PTPRD: variants seen among roughly 807,000 people sequenced by gnomAD.
The protein encoded by PTPRD is protein tyrosine phosphatase receptor type D.
In PTPRD, 34 loss-of-function variants were observed where a neutral mutation model predicts 214.5. The ratio of observed to expected loss-of-function variants is 0.16; its 90% CI spans 0.12 to 0.21. PTPRD has a LOEUF of 0.21. PTPRD is among the 10% of genes least tolerant of loss of function. The probability of loss-of-function intolerance (pLI) is 1.00; values close to 1 mark genes in which losing one functional copy is unlikely to be tolerated. For missense variants in PTPRD, 2,545 were observed against 2,398.7 expected (o/e 1.06, Z -1.27); for synonymous variants, 1,128 against 845.7 (o/e 1.33, Z -5.79).
At chr9:9,998,969 G>A (rs182134769) in intron 4 of PTPRD, among the ~76,000 whole-genome samples, 107 of 152,282 alleles carry the variant, frequency 7.0e-4, no homozygotes, top group African/African-American at 2.5e-3. Flanking sequence ...AGAAATAGCA[G>A]GGATGCATTG....
chr9:10,485,926 A>G (rs564403242), intron 2 of PTPRD, among the ~76,000 whole-genome samples: 129 of 152,148 alleles, frequency 8.5e-4, no homozygotes, highest in Non-Finnish European at 1.2e-3. Context: ...CAGTTGCAGT[A>G]TCTCCTTAAT....
chr9:9,674,265 A>G (rs956905826), intron 7 of PTPRD, among the ~76,000 whole-genome samples: 1 of 151,828 alleles, frequency 6.6e-6, no homozygotes. Flanking sequence ...AGGATGGCTT[A>G]TAATATTAAC....
intron 8 of PTPRD, among the ~76,000 whole-genome samples, chr9:9,428,889 G>A (rs1413413080): frequency 6.6e-6 from 1 of 152,166 alleles, no homozygotes; most frequent in Non-Finnish European, 1.5e-5. Context: ...GTATCTCTGG[G>A]ACACATTTAA....
intron 12 of PTPRD, among the ~76,000 whole-genome samples, chr9:8,712,356 G>C (rs1421423786): frequency 6.6e-6 from 1 of 151,898 alleles, no homozygotes; most frequent in East Asian, 1.9e-4. Flanking sequence ...TATCAATTGT[G>C]TGTCTTTAAT....
intron 3 of PTPRD, among the ~76,000 whole-genome samples, chr9:10,079,609 T>C (rs1055593482): frequency 6.6e-6 from 1 of 152,092 alleles, no homozygotes; most frequent in African/African-American, 2.4e-5. Context: ...TTCTATGATA[T>C]TGAATTAAAT....
At chr9:8,858,368 A>C (rs934687231) in intron 11 of PTPRD, 1 of 152,488 alleles carries the variant, frequency 6.6e-6, no homozygotes, top group South Asian at 2.1e-4. Context: ...GTGCGAGGCG[A>C]CGCCTGGGAA....
At chr9:9,998,026 A>G (rs569577380) in intron 4 of PTPRD, among the ~76,000 whole-genome samples, 31 of 151,212 alleles carry the variant, frequency 2.1e-4, no homozygotes, top group Middle Eastern at 6.8e-3. Flanking sequence ...TCTCAATATT[A>G]CCAACCACTT....
intron 5 of PTPRD, among the ~76,000 whole-genome samples, chr9:9,789,477 T>C (rs1164871876): frequency 6.6e-6 from 1 of 152,170 alleles, no homozygotes; most frequent in African/African-American, 2.4e-5. Context: ...GAGGGGGAGA[T>C]AATCGACATA....
At chr9:10,355,867 G>A (rs1028573565) in intron 2 of PTPRD, among the ~76,000 whole-genome samples, 7 of 152,100 alleles carry the variant, frequency 4.6e-5, no homozygotes, top group Non-Finnish European at 7.4e-5. Context: ...ACTAGTATGC[G>A]AATTTGAGAT....
rs559342143 is a variant in PTPRD at position 8,604,483 on chromosome 9, T to A, written c.352+28834A>T. Among the ~76,000 whole-genome samples the A allele has an allele frequency of 3.3e-5, 5 of 152,226 alleles. No individual in the cohort carries two copies. The South Asian group carries it at 1.0e-3, about 32-fold the overall frequency. On this transcript the variant is annotated intron_variant, in intron 14 of 45. Transcript: ENST00000381196. ...TGACAAGAGCATGAAGTACATTACA[T>A]CAGATAAGGGTAAGTCCAAGATGAG...
intron 3 of PTPRD, among the ~76,000 whole-genome samples, chr9:10,277,962 T>C (rs2094820088): frequency 6.6e-6 from 1 of 151,980 alleles, no homozygotes. Context: ...ATCGAGACCA[T>C]CGTGGCTAAC....
intron 7 of PTPRD, among the ~76,000 whole-genome samples, chr9:9,657,445 G>A (rs2096541186): frequency 6.6e-6 from 1 of 152,060 alleles, no homozygotes. Flanking sequence ...CACACCGGGG[G>A]CCTGTCGAGG....
At chr9:10,307,423 G>A (rs2096115908) in intron 3 of PTPRD, among the ~76,000 whole-genome samples, 2 of 152,132 alleles carry the variant, frequency 1.3e-5, no homozygotes, top group East Asian at 1.9e-4. Context: ...TCTTATGGCT[G>A]AATAGTATTC....
At chr9:10,586,422 G>C (rs1304933505) in intron 2 of PTPRD, among the ~76,000 whole-genome samples, 5 of 151,848 alleles carry the variant, frequency 3.3e-5, no homozygotes, top group African/African-American at 1.2e-4. Context: ...ATAGAAAAGA[G>C]CAATCATGAG....
chr9:9,333,405 G>T (rs1287216884), intron 9 of PTPRD, among the ~76,000 whole-genome samples: 4 of 150,352 alleles, frequency 2.7e-5, no homozygotes, highest in Non-Finnish European at 5.9e-5. Flanking sequence ...TTGTTTAGGG[G>T]AGAATAAAAG....
chr9:8,807,904 TC>T (rs1182344309), intron 11 of PTPRD, among the ~76,000 whole-genome samples: 1 of 152,140 alleles, frequency 6.6e-6, no homozygotes, highest in East Asian at 1.9e-4. Flanking sequence ...CTAAAGAGAA[TC>T]TGTATTCCAC....
chr9:10,394,671 T>TA (rs1339860496), intron 2 of PTPRD, among the ~76,000 whole-genome samples: 1 of 151,912 alleles, frequency 6.6e-6, no homozygotes, highest in East Asian at 1.9e-4. Flanking sequence ...ATAACCTTCA[T>TA]AAAAATAGCC....
At chr9:8,959,382 A>T (rs933104690) in intron 11 of PTPRD, among the ~76,000 whole-genome samples, 3 of 151,980 alleles carry the variant, frequency 2.0e-5, no homozygotes, top group Non-Finnish European at 2.9e-5. Context: ...AGAGCCAGGA[A>T]AATAGTGGGG....
intron 8 of PTPRD, among the ~76,000 whole-genome samples, chr9:9,521,986 T>A (rs765845739): frequency 2.6e-5 from 4 of 151,894 alleles, no homozygotes; most frequent in Non-Finnish European, 4.4e-5. Context: ...GGAGAAACCC[T>A]GTGTTTACTA....
Sources: gnomAD v4.1 joint callset for allele counts (sites outside exome capture counted in the v4.1 genomes callset) on GRCh38, gnomAD v4.1.1 for gene constraint, MANE v1.5 for transcripts, NCBI Gene and HGNC (gene_info 2026-07-23, HGNC 2026-07-21) for gene names.